The following RYR2 variants were observed in gnomAD, a reference collection of about 807,000 sequenced individuals.
RYR2 encodes the protein cardiac muscle ryanodine receptor-calcium release channel.
In RYR2, 227 loss-of-function variants were observed where a neutral mutation model predicts 601.1. The observed-to-expected ratio is 0.38, with a 90% CI of 0.34 to 0.42. The LOEUF (loss-of-function observed/expected upper bound fraction) is 0.42. RYR2 is among the 10% of genes least tolerant of loss of function. The pLI, the probability that RYR2 is intolerant of heterozygous loss-of-function variation, is 1.00. For missense variants in RYR2, 4,646 were observed against 6,156.5 expected (o/e 0.75, Z 8.21); for synonymous variants, 2,223 against 2,175.1 (o/e 1.02, Z -0.61).
chr1:237,619,552 G>A (rs977337186), intron 38 of RYR2, among the ~76,000 whole-genome samples: 2 of 152,092 alleles, frequency 1.3e-5, no homozygotes, highest in Admixed American at 6.6e-5. Flanking sequence ...GAGAAAGAGG[G>A]TGAACTGAAG....
At chr1:237,666,622 A>G (rs1467462402) in intron 57 of RYR2, 33 bp downstream of exon 57, 1 of 1,539,988 alleles carries the variant, frequency 6.5e-7, no homozygotes, top group South Asian at 1.2e-5. Context: ...AATAGTCTCC[A>G]AATTTAATTT....
chr1:237,509,610 G>A (rs1665672162), intron 23 of RYR2, among the ~76,000 whole-genome samples: 1 of 152,120 alleles, frequency 6.6e-6, no homozygotes, highest in African/African-American at 2.4e-5. Flanking sequence ...TCTACTATTT[G>A]CCTGGTGTGT....
chr1:237,476,468 C>CCACTG (rs1661409099), intron 17 of RYR2, among the ~76,000 whole-genome samples: 1 of 137,722 alleles, frequency 7.3e-6, no homozygotes, highest in Non-Finnish European at 1.5e-5. Context: ...CAAGATTGCG[C>CCACTG]CACTGCACTC....
chr1:237,640,844 G>T, intron 46 of RYR2, 53 bp from the exon 47 acceptor site: 1 of 1,398,258 alleles, frequency 7.2e-7, no homozygotes, highest in Non-Finnish European at 1.0e-6. Context: ...TAATAAACAT[G>T]AAATGTCAGT....
intron 1 of RYR2, among the ~76,000 whole-genome samples, chr1:237,268,388 T>G (rs866332612): frequency 6.6e-6 from 1 of 152,218 alleles, no homozygotes; most frequent in Non-Finnish European, 1.5e-5. Context: ...GCAGATTATA[T>G]AAGCTCCAAA....
intron 1 of RYR2, among the ~76,000 whole-genome samples, chr1:237,127,841 G>T (rs1169407198): frequency 6.6e-6 from 1 of 151,672 alleles, no homozygotes; most frequent in Admixed American, 6.6e-5. Flanking sequence ...GCTGGGCAGA[G>T]GTGCTCCTCA....
chr1:237,352,937 C>A, intron 3 of RYR2: 1 of 471,192 alleles, frequency 2.1e-6, no homozygotes, highest in South Asian at 1.6e-5. Context: ...CCAGGTATGT[C>A]GCAACTTTCA....
chr1:237,597,747 C>A (rs1676050581), intron 34 of RYR2, among the ~76,000 whole-genome samples: 1 of 151,892 alleles, frequency 6.6e-6, no homozygotes, highest in Admixed American at 6.6e-5. Context: ...AGGTATCAAA[C>A]CACAAAGGTA....
chr1:237,271,075 A>G (rs1689640391), intron 2 of RYR2, among the ~76,000 whole-genome samples: 2 of 152,168 alleles, frequency 1.3e-5, no homozygotes, highest in Non-Finnish European at 1.5e-5. Context: ...TGCAGTTCAC[A>G]TAGATATATC....
At chr1:237,043,732 C>T (rs1329439880) in intron 1 of RYR2, among the ~76,000 whole-genome samples, 1 of 147,918 alleles carries the variant, frequency 6.8e-6, no homozygotes, top group African/African-American at 2.4e-5. Context: ...CTTCTTTCCT[C>T]AGCAGTACAA....
At chr1:237,763,290 C>T (rs1318765069) in intron 84 of RYR2, among the ~76,000 whole-genome samples, 10 of 152,142 alleles carry the variant, frequency 6.6e-5, no homozygotes, top group African/African-American at 9.7e-5. Flanking sequence ...CTCCCTGTGG[C>T]GTTTCTGTCT....
intron 38 of RYR2, among the ~76,000 whole-genome samples, chr1:237,622,266 C>T (rs1679155692): frequency 6.6e-6 from 1 of 152,116 alleles, no homozygotes; most frequent in Non-Finnish European, 1.5e-5. Context: ...TTAACTGAAC[C>T]ATTAATGTTA....
chr1:237,047,598 A>G (rs1660751703), intron 1 of RYR2, among the ~76,000 whole-genome samples: 1 of 151,880 alleles, frequency 6.6e-6, no homozygotes, highest in South Asian at 2.1e-4. Context: ...ACTTTCCAGG[A>G]TGTTGCCAGT....
chr1:237,465,846 G>A (rs1572449200), intron 16 of RYR2, among the ~76,000 whole-genome samples: 1 of 152,176 alleles, frequency 6.6e-6, no homozygotes, highest in African/African-American at 2.4e-5. Context: ...ACGTACATAA[G>A]CATAGAAAAG....
intron 1 of RYR2, among the ~76,000 whole-genome samples, chr1:237,145,760 C>T (rs1363620094): frequency 2.0e-5 from 3 of 151,978 alleles, no homozygotes; most frequent in African/African-American, 7.3e-5. Context: ...CTTGTAATGG[C>T]AGTGAAGAAA....
At chr1:237,770,743 G>T in intron 84 of RYR2, 64 bp from the exon 85 acceptor site, 2 of 1,011,280 alleles carry the variant, frequency 2.0e-6, no homozygotes, top group Non-Finnish European at 3.0e-6. Flanking sequence ...ATGGAGGTGG[G>T]GACAGAAAGG....
chr1:237,173,918 G>T (rs139142622), intron 1 of RYR2, among the ~76,000 whole-genome samples: 1 of 152,192 alleles, frequency 6.6e-6, no homozygotes, highest in South Asian at 2.1e-4. Flanking sequence ...TTAGCCTGGC[G>T]TGGTGGCGGG....
intron 2 of RYR2, among the ~76,000 whole-genome samples, chr1:237,292,658 G>C (rs1692357294): frequency 6.6e-6 from 1 of 152,208 alleles, no homozygotes; most frequent in Non-Finnish European, 1.5e-5. Flanking sequence ...GGAAGTTTTT[G>C]ATGCTGTGAA....
intron 63 of RYR2, among the ~76,000 whole-genome samples, chr1:237,688,671 G>C (rs1686657893): frequency 6.6e-6 from 1 of 152,048 alleles, no homozygotes; most frequent in South Asian, 2.1e-4. Flanking sequence ...ACTGACTTTT[G>C]TTTAACTTCT....
Sources: gnomAD v4.1 joint callset for allele counts (sites outside exome capture counted in the v4.1 genomes callset) on GRCh38, gnomAD v4.1.1 for gene constraint, MANE v1.5 for transcripts, NCBI Gene and HGNC (gene_info 2026-07-23, HGNC 2026-07-21) for gene names.